Variants in ITGA6 observed in about 807,000 individuals in gnomAD.
ITGA6 encodes the protein integrin subunit alpha 6, also known as integrin alpha-6.
A neutral mutation model predicts 133.6 loss-of-function variants in ITGA6; 63 were observed. The observed-to-expected ratio is 0.47, with a 90% confidence interval of 0.38 to 0.58. ITGA6 has a LOEUF of 0.58. Among genes scored for constraint, ITGA6 ranks in the 20% least tolerant of loss-of-function variants. The pLI is 0.00. For synonymous variants in ITGA6, 434 were observed against 482.0 expected, an observed-to-expected ratio of 0.90 and a Z score of 1.30; for missense variants, 1,068 against 1,309.4, an observed-to-expected ratio of 0.82 and a Z score of 2.85.
chr2:172,434,257 A>G (rs780000911), intron 1 of ITGA6, among the ~76,000 whole-genome samples: 3 of 152,150 alleles, frequency 2.0e-5, no homozygotes, highest in Non-Finnish European at 4.4e-5. Flanking sequence ...GCAAACACTG[A>G]TCTCTTGGAA....
intron 20 of ITGA6, chr2:172,490,009 A>G (rs1453138500): frequency 4.1e-6 from 1 of 241,304 alleles, no homozygotes; most frequent in African/African-American, 2.3e-5. Flanking sequence ...TGTTCACTCC[A>G]AGTAGAACCA....
chr2:172,435,612 G>GTT (rs1684284876), intron 1 of ITGA6, among the ~76,000 whole-genome samples: 11 of 113,100 alleles, frequency 9.7e-5, no homozygotes, highest in African/African-American at 3.0e-4. Flanking sequence ...CAAGAGTTTT[G>GTT]TTTCTTTTTT....
At chr2:172,466,697 C>A (rs1049948631) in intron 2 of ITGA6, among the ~76,000 whole-genome samples, 2 of 152,152 alleles carry the variant, frequency 1.3e-5, no homozygotes, top group Admixed American at 1.3e-4. Context: ...ATACACAGAC[C>A]TATGAAGAAT....
rs1317443785 is a variant in ITGA6, at chr2:172,427,960, G to A, written c.172G>A (p.Asp58Asn). Reference protein sequence around the residue: ...LAMHWQLQPEDKRLLLVGAPR... With the variant: ...LAMHWQLQPENKRLLLVGAPR... Reference sequence around the variant, plus strand: ...CATGCACTGGCAACTGCAGCCCGAGGACAAGCGGCTGTGAGTTCCCAGACC... The same window carrying A: ...CATGCACTGGCAACTGCAGCCCGAGAACAAGCGGCTGTGAGTTCCCAGACC... The change falls in exon 1 of 26, where the codon GAC becomes AAC. Residue 58 changes from aspartate (D) to asparagine (N), a missense_variant. By Grantham distance (23) the Asp-to-Asn change is conservative. Around this residue, in one of 3 missense-constraint regions of ITGA6, gnomAD observed 142 missense variants for 145.3 expected, o/e 0.98. Transcript: ENST00000684293. 1.2e-6 allele frequency: 2 copies of A among 1,604,214 alleles called. No individual in the cohort carries two copies. Among genetic ancestry groups the A allele is most frequent in the South Asian group, 1.1e-5 (1 of 89,702 alleles).
chr2:172,469,235 T>C lies in ITGA6; in HGVS notation c.498T>C (p.Asp166=). The change falls in exon 4 of 26, where the codon GAT becomes GAC. Residue 166 remains aspartate (D), a synonymous_variant. Transcript: ENST00000684293. ...GTCAGAATCTCAGGATTGAAGACGATATGGATGGGGGAGATTGGAGCTTTT... is the reference window on the plus strand; with the variant it reads ...GTCAGAATCTCAGGATTGAAGACGACATGGATGGGGGAGATTGGAGCTTTT... ...VLSQNLRIED[D]MDGGDWSFCD... is the part of the protein sequence containing the mutation. 6.2e-7 allele frequency: 1 copy of C among 1,614,070 alleles called. No homozygotes were observed. Among genetic ancestry groups the C allele is most frequent in the Non-Finnish European group, 8.5e-7 (1 of 1,180,004 alleles).
At position 172,480,070 on chromosome 2, in the gene ITGA6, T is replaced by C; in HGVS notation, c.1549+19T>C. ...TCAATATGTAAGTACCTAGTACCTT[T>C]AAAATATGTCTACTTTCTGTCTGCC... On this transcript the variant is annotated intron_variant, in intron 11 of 25. Coordinates refer to ENST00000684293, the MANE Select transcript of ITGA6 (RefSeq NM_000210.4). The C allele has an allele frequency of 7.2e-7, 1 of 1,382,064 alleles. No homozygotes were observed. Among genetic ancestry groups the C allele is most frequent in the Non-Finnish European group, 1.0e-6 (1 of 968,696 alleles). The allele number at this position is 1,382,064 out of a possible 1,614,324, so 85.6% of individuals were successfully genotyped here. A position where few individuals can be genotyped will look rare whatever the true frequency, so the allele number is the denominator to read the frequency against.
rs1173030772 is a variant in ITGA6 at position 172,428,088 on chromosome 2, G to A, written c.182+118G>A. ...GTAGTTGGCCCGTGGGTCGCGCCCG[G>A]GCCGGCCGAGGCGCACCCAGCGCCC... is the stretch of plus-strand genomic sequence containing the variant. On this transcript the variant is annotated intron_variant, in intron 1 of 25. Coordinates refer to ENST00000684293, the MANE Select transcript of ITGA6 (RefSeq NM_000210.4). 4.1e-6 allele frequency: 4 copies of A among 983,550 alleles called. No homozygotes were observed. In the South Asian group the frequency reaches 1.3e-4, roughly 33 times the overall value. 60.9% of individuals were successfully genotyped at this position (983,550 alleles called of 1,614,324 possible).
rs972560376 is a variant in ITGA6 at position 172,427,888 on chromosome 2, A to T, written c.100A>T (p.Ile34Phe). The T allele has an allele frequency of 5.6e-6, 9 of 1,606,724 alleles. No individual in the cohort carries two copies. Among genetic ancestry groups the T allele is most frequent in the African/African-American group, 4.0e-5 (3 of 74,346 alleles). ...CTTGGACACTCGGGAGGACAACGTG[A>T]TCCGGAAATATGGAGACCCCGGGAG... ...FNLDTREDNVIRKYGDPGSLF... is the reference protein window; with the variant it reads ...FNLDTREDNVFRKYGDPGSLF... The change falls in exon 1 of 26, where the codon ATC becomes TTC. Residue 34 changes from isoleucine (I) to phenylalanine (F), a missense_variant. By Grantham distance (21) the Ile-to-Phe change is conservative (BLOSUM62 0). Transcript: ENST00000684293.
chr2:172,490,651 A>T (rs1006652663), intron 20 of ITGA6: 1 of 266,698 alleles, frequency 3.7e-6, no homozygotes, highest in African/African-American at 2.3e-5. Context: ...TTCCTTCAAG[A>T]TGTGCTGACT....
Position 172,504,420 on chromosome 2 carries a change from C to A in ITGA6, c.*352C>A. On this transcript the variant is annotated 3_prime_UTR_variant, in exon 26 of 26. Coordinates refer to ENST00000684293, the MANE Select transcript of ITGA6 (RefSeq NM_000210.4). ...GTGGATATTGTTACGTAGCCTAAGGCTCCTGTTTTGCACAGCCAAATTTAA... is the reference window on the plus strand; with the variant it reads ...GTGGATATTGTTACGTAGCCTAAGGATCCTGTTTTGCACAGCCAAATTTAA... 2.1e-6 allele frequency: 1 copy of A among 480,112 alleles called. No homozygotes were observed. The highest frequency in any genetic ancestry group is 3.7e-6 in the Non-Finnish European group (1 of 273,178). 29.7% of individuals were successfully genotyped at this position (480,112 alleles called of 1,614,324 possible).
In ITGA6 at chr2:172,437,502, T is replaced by A. The variant is rs559130295; in HGVS notation, c.182+9532T>A. Among the ~76,000 whole-genome samples the A allele has an allele frequency of 2.6e-5, 4 of 151,646 alleles. No homozygotes were observed. In the East Asian group the frequency reaches 5.8e-4, roughly 22 times the overall value. On this transcript the variant is annotated intron_variant, in intron 1 of 25. Transcript: ENST00000684293. ...GACCTGAGCAGCTGGAAGGATGGAG[T>A]TGTATTATGGTTTGGGGAGAGATGT...
At chr2:172,502,190 T>G (rs1352377080) in intron 25 of ITGA6, among the ~76,000 whole-genome samples, 1 of 152,228 alleles carries the variant, frequency 6.6e-6, no homozygotes, top group African/African-American at 2.4e-5. Context: ...AAAGAGACTT[T>G]TAGCCCTCCA....
At chr2:172,497,181 C>T (rs1271519025) in intron 23 of ITGA6, among the ~76,000 whole-genome samples, 1 of 152,088 alleles carries the variant, frequency 6.6e-6, no homozygotes, top group Non-Finnish European at 1.5e-5. Context: ...CCTAAACTGG[C>T]CCTTTTCTTT....
In ITGA6 at chr2:172,487,431, A is replaced by T; in HGVS notation, c.2138A>T (p.Tyr713Phe). 6.2e-7 allele frequency: 1 copy of T among 1,614,152 alleles called. No homozygotes were observed. The change falls in exon 15 of 26, where the codon TAT becomes TTT. Residue 713 changes from tyrosine (Y) to phenylalanine (F), a missense_variant. Coordinates refer to ENST00000684293, the MANE Select transcript of ITGA6 (RefSeq NM_000210.4). ...CCAGACACTTTAACCTATTCTGCAT[A>T]TAGAGAACTGAGGGCTTTCCCTGTA... ...TFPDTLTYSA[Y>F]RELRAFPEKQ... is the part of the protein sequence containing the mutation.
At chr2:172,482,154 C>T (rs1574391267) in intron 11 of ITGA6, among the ~76,000 whole-genome samples, 1 of 152,232 alleles carries the variant, frequency 6.6e-6, no homozygotes, top group Non-Finnish European at 1.5e-5. Flanking sequence ...AGCTGTAGCA[C>T]AGCATTTGAT....
At chr2:172,450,366 G>A (rs1359273883) in intron 1 of ITGA6, among the ~76,000 whole-genome samples, 1 of 152,206 alleles carries the variant, frequency 6.6e-6, no homozygotes, top group East Asian at 1.9e-4. Flanking sequence ...GTTCAGGTAT[G>A]ATGTGATGGT....
chr2:172,469,411 T>C (rs1685820332), intron 4 of ITGA6, 31 bp downstream of exon 4: 2 of 1,595,406 alleles, frequency 1.3e-6, no homozygotes, highest in Middle Eastern at 1.7e-4. Flanking sequence ...GAAATAGAGA[T>C]TAGTTCCCCT....
chr2:172,447,472 T>G (rs936614584), intron 1 of ITGA6, among the ~76,000 whole-genome samples: 1 of 152,196 alleles, frequency 6.6e-6, no homozygotes, highest in Non-Finnish European at 1.5e-5. Flanking sequence ...ACCAAAGTGC[T>G]ACGATTACAG....
chr2:172,465,546 G>A lies in ITGA6; in HGVS notation c.190G>A (p.Val64Met). The A allele has an allele frequency of 1.9e-6, 3 of 1,614,206 alleles. No homozygotes were observed. Among genetic ancestry groups the A allele is most frequent in the Non-Finnish European group, 2.5e-6 (3 of 1,180,038 alleles). Residue 64 changes from valine (V) to methionine (M), a missense_variant, in exon 2 of 26, where the codon GTG becomes ATG. Transcript: ENST00000684293. ...LQPEDKRLLL[V>M]GAPRAEALPL... ...TCTCTGTTTCATCAACAGGTTGCTC[G>A]TGGGGGCCCCGCGGGCAGAAGCGCT... is the stretch of plus-strand genomic sequence containing the variant.
Sources: gnomAD v4.1 joint callset for allele counts (sites outside exome capture counted in the v4.1 genomes callset) on GRCh38, gnomAD v4.1.1 for gene constraint, gnomAD v4.1.1 regional missense constraint, MANE v1.5 for transcripts, NCBI Gene and HGNC (gene_info 2026-07-23, HGNC 2026-07-21) for gene names.